RBFOX1: variants seen among roughly 807,000 people sequenced by gnomAD.
The protein encoded by RBFOX1 is RNA binding fox-1 homolog 1, also known as RNA binding protein fox-1 homolog 1.
Under a neutral mutation model 57.7 loss-of-function variants are expected in RBFOX1, and 8 were observed. That is an observed-to-expected ratio of 0.14 (90% CI 0.08 to 0.25). The LOEUF is 0.25. Among genes scored for constraint, RBFOX1 ranks in the 10% least tolerant of loss-of-function variants. The pLI is 1.00. For missense variants in RBFOX1, 611 were observed against 548.5 expected (o/e 1.11, Z -1.14); for synonymous variants, 326 against 222.4 (o/e 1.47, Z -4.15).
At chr16:7,555,927 C>G (rs1173514820) in intron 5 of RBFOX1, among the ~76,000 whole-genome samples, 1 of 152,170 alleles carries the variant, frequency 6.6e-6, no homozygotes, top group African/African-American at 2.4e-5. Flanking sequence ...TCCTCCTGCT[C>G]TCCTAAAACT....
chr16:6,448,262 C>G (rs2094527488), intron 2 of RBFOX1, among the ~76,000 whole-genome samples: 1 of 142,748 alleles, frequency 7.0e-6, no homozygotes, highest in Non-Finnish European at 1.5e-5. Flanking sequence ...TGGGTTCAAG[C>G]AATTCTCCTA....
At chr16:6,627,055 G>T (rs1381566937) in intron 2 of RBFOX1, among the ~76,000 whole-genome samples, 1 of 152,206 alleles carries the variant, frequency 6.6e-6, no homozygotes, top group Non-Finnish European at 1.5e-5. Flanking sequence ...GAAAGAACCA[G>T]GGTTCTAGTC....
At chr16:6,249,502 C>T (rs1011236981) in intron 1 of RBFOX1, among the ~76,000 whole-genome samples, 141 of 151,964 alleles carry the variant, frequency 9.3e-4, no homozygotes, top group African/African-American at 3.3e-3. Context: ...CCAGCTTGGG[C>T]GACAGAGGGA....
intron 2 of RBFOX1, among the ~76,000 whole-genome samples, chr16:6,633,504 G>A (rs1258183029): frequency 6.6e-6 from 1 of 152,012 alleles, no homozygotes; most frequent in South Asian, 2.1e-4. Context: ...ATGTTGAGCC[G>A]GCTGATCTTG....
intron 4 of RBFOX1, among the ~76,000 whole-genome samples, chr16:7,471,269 T>G (rs904641270): frequency 2.6e-5 from 4 of 152,208 alleles, no homozygotes; most frequent in African/African-American, 7.2e-5. Context: ...ACATTTAGCT[T>G]TAGGCTATTT....
intron 4 of RBFOX1, among the ~76,000 whole-genome samples, chr16:7,166,637 T>A (rs1216793768): frequency 6.6e-6 from 1 of 152,134 alleles, no homozygotes; most frequent in Non-Finnish European, 1.5e-5. Flanking sequence ...TCGACACCCC[T>A]GAGCAGTCTG....
intron 4 of RBFOX1, among the ~76,000 whole-genome samples, chr16:7,140,276 T>C: frequency 6.8e-6 from 1 of 147,158 alleles, no homozygotes; most frequent in Non-Finnish European, 1.5e-5. Context: ...CTTTTTTTTT[T>C]TTTTTTTTTT....
At chr16:6,310,028 T>C (rs1286258834) in intron 1 of RBFOX1, among the ~76,000 whole-genome samples, 1 of 152,042 alleles carries the variant, frequency 6.6e-6, no homozygotes, top group Non-Finnish European at 1.5e-5. Context: ...GCTGGGAATA[T>C]AGGTGCCTGC....
At chr16:7,029,287 C>A (rs1034921995) in intron 3 of RBFOX1, among the ~76,000 whole-genome samples, 1 of 102,272 alleles carries the variant, frequency 9.8e-6, no homozygotes, top group African/African-American at 4.1e-5. Context: ...TATATATACA[C>A]ATATATATAT....
chr16:7,157,844 CTACTTCAGGGAGGACA>C (rs2077461779), intron 4 of RBFOX1, among the ~76,000 whole-genome samples: 1 of 152,160 alleles, frequency 6.6e-6, no homozygotes, highest in African/African-American at 2.4e-5. Context: ...ATCTGATAGT[CTACTTCAGGGAGGACA>C]AATATATTTC....
At chr16:6,141,346 T>C (rs1441508199) in intron 1 of RBFOX1, among the ~76,000 whole-genome samples, 1 of 152,210 alleles carries the variant, frequency 6.6e-6, no homozygotes, top group African/African-American at 2.4e-5. Flanking sequence ...TATTCCTTTC[T>C]TTCAGATCTC....
At chr16:7,367,509 G>C (rs1195721458) in intron 4 of RBFOX1, among the ~76,000 whole-genome samples, 2 of 152,178 alleles carry the variant, frequency 1.3e-5, no homozygotes, top group East Asian at 3.9e-4. Flanking sequence ...GTGACCCTCT[G>C]CCTATATCAT....
chr16:6,538,524 C>T (rs759460247), intron 2 of RBFOX1, among the ~76,000 whole-genome samples: 1 of 152,084 alleles, frequency 6.6e-6, no homozygotes, highest in Non-Finnish European at 1.5e-5. Context: ...ATATGAAAAT[C>T]ATGAGGAGAC....
chr16:7,415,316 A>G (rs965116555), intron 4 of RBFOX1, among the ~76,000 whole-genome samples: 4 of 152,188 alleles, frequency 2.6e-5, no homozygotes, highest in Non-Finnish European at 4.4e-5. Flanking sequence ...AGATAAATCC[A>G]TATCTTCTGC....
At chr16:6,873,362 C>G (rs574314464) in intron 3 of RBFOX1, among the ~76,000 whole-genome samples, 25 of 152,186 alleles carry the variant, frequency 1.6e-4, no homozygotes, top group African/African-American at 5.8e-4. Flanking sequence ...CATGATTATG[C>G]TTTAATTTAG....
intron 1 of RBFOX1, among the ~76,000 whole-genome samples, chr16:6,056,645 C>G (rs1033321968): frequency 2.0e-5 from 3 of 152,144 alleles, no homozygotes; most frequent in Admixed American, 2.0e-4. Context: ...GGCGTGGTCG[C>G]TGACCAAATC....
At chr16:5,884,444 C>G (rs866481907) in intron 4 of RBFOX1, among the ~76,000 whole-genome samples, 15 of 147,574 alleles carry the variant, frequency 1.0e-4, no homozygotes, top group Middle Eastern at 6.9e-3. Flanking sequence ...GTTCCACCGC[C>G]CCGCCCCCCG....
At position 6,450,818 on chromosome 16, in the gene RBFOX1, CATATATATAT is replaced by C. The variant is rs1305191127; in HGVS notation, c.-64+133770_-64+133779del. On this transcript the variant is annotated intron_variant, in intron 2 of 15. Coordinates refer to ENST00000550418, the MANE Select transcript of RBFOX1 (RefSeq NM_018723.4). ...ATATATATGTATATATATATATATA[CATATATATAT>C]ATATATATGTGTATATATATATATA... Among the ~76,000 whole-genome samples, 39 of 17,684 alleles carry C rather than the reference CATATATATAT, an allele frequency of 2.2e-3. 2 individuals carry two copies. Among genetic ancestry groups the C allele is most frequent in the East Asian group, 5.3e-3 (1 of 188 alleles). The allele number at this position is 17,684 out of a possible 152,430, so 11.6% of individuals were successfully genotyped here.
At chr16:5,982,624 A>G (rs1041146588) in intron 4 of RBFOX1, among the ~76,000 whole-genome samples, 2 of 152,106 alleles carry the variant, frequency 1.3e-5, no homozygotes, top group Admixed American at 1.3e-4. Context: ...GCTCATCCAT[A>G]TGGCTCTATC....
Sources: gnomAD v4.1 joint callset for allele counts (sites outside exome capture counted in the v4.1 genomes callset) on GRCh38, gnomAD v4.1.1 for gene constraint, MANE v1.5 for transcripts, NCBI Gene and HGNC (gene_info 2026-07-23, HGNC 2026-07-21) for gene names.